The following PTPRT variants were observed in gnomAD, a reference collection of about 807,000 sequenced individuals.
PTPRT encodes the protein protein tyrosine phosphatase receptor type T.
A neutral mutation model predicts 176.8 loss-of-function variants in PTPRT; 56 were observed. The ratio of observed to expected loss-of-function variants is 0.32; its 90% confidence interval spans 0.26 to 0.40. The LOEUF (loss-of-function observed/expected upper bound fraction) is 0.40. PTPRT is among the 10% of genes least tolerant of loss of function. The pLI is 1.00. For synonymous variants in PTPRT, 783 were observed against 739.0 expected, an observed-to-expected ratio of 1.06 and a Z score of -0.96; for missense variants, 1,540 against 1,908.2, an observed-to-expected ratio of 0.81 and a Z score of 3.60.
the PTPRT span, among the ~76,000 whole-genome samples, chr20:42,039,410 C>A: frequency 0.17 from 26,297 of 151,852 alleles, 3,721 homozygotes; most frequent in African/African-American, 0.39. Flanking sequence ...CCATGATGCA[C>A]AATAGATTTC....
intron 11 of PTPRT, among the ~76,000 whole-genome samples, chr20:42,349,319 T>C (rs1187169059): frequency 1.3e-5 from 2 of 152,194 alleles, no homozygotes; most frequent in Non-Finnish European, 2.9e-5. Flanking sequence ...CTCCCTGTTA[T>C]AGCATGCTGT....
intron 7 of PTPRT, among the ~76,000 whole-genome samples, chr20:42,511,971 G>C (rs1254088844): frequency 6.6e-6 from 1 of 152,078 alleles, no homozygotes; most frequent in Non-Finnish European, 1.5e-5. Flanking sequence ...CCAAAGGCAA[G>C]AAGAGTAAAT....
At chr20:43,034,662 C>T (rs1986300837) in intron 1 of PTPRT, among the ~76,000 whole-genome samples, 1 of 147,628 alleles carries the variant, frequency 6.8e-6, no homozygotes, top group South Asian at 2.5e-4. Context: ...ACAGCAAAAA[C>T]TGCAATTACT....
intron 1 of PTPRT, among the ~76,000 whole-genome samples, chr20:43,118,223 A>C (rs560112911): frequency 2.6e-4 from 39 of 152,286 alleles, no homozygotes; most frequent in African/African-American, 9.4e-4. Context: ...GGTGGAATGG[A>C]TTCAGCCCAT....
intron 15 of PTPRT, among the ~76,000 whole-genome samples, chr20:42,208,110 C>G (rs1021419124): frequency 5.3e-3 from 643 of 121,906 alleles, no homozygotes; most frequent in African/African-American, 0.023. Context: ...TTTGTCACCA[C>G]CAGGCCTGCC....
chr20:42,733,600 G>C, intron 6 of PTPRT, among the ~76,000 whole-genome samples: 1 of 152,184 alleles, frequency 6.6e-6, no homozygotes, highest in Non-Finnish European at 1.5e-5. Flanking sequence ...CCAGAGCCGA[G>C]GGCTGCCTGC....
In PTPRT at chr20:42,147,784, C is replaced by T. The variant is rs546932519; in HGVS notation, c.2683-5782G>A. On this transcript the variant is annotated intron_variant, in intron 17 of 30. Transcript: ENST00000373187. Reference sequence around the variant, plus strand: ...CTCCCTTAGTGGGGGCTGAAGGGGACCGAGTAGGCCTGGGGGCTGTGATGA... The same window carrying T: ...CTCCCTTAGTGGGGGCTGAAGGGGATCGAGTAGGCCTGGGGGCTGTGATGA... Among the ~76,000 whole-genome samples, 5 of 152,186 alleles carry T rather than the reference C, an allele frequency of 3.3e-5. No homozygotes were observed. In the South Asian group the frequency reaches 1.0e-3, roughly 32 times the overall value.
chr20:42,860,011 T>C (rs1426145399), intron 2 of PTPRT, among the ~76,000 whole-genome samples: 1 of 152,208 alleles, frequency 6.6e-6, no homozygotes, highest in Non-Finnish European at 1.5e-5. Flanking sequence ...CAAAATTAAA[T>C]ATTTATTTAT....
intron 13 of PTPRT, among the ~76,000 whole-genome samples, chr20:42,276,558 T>TATATATAA (rs1568731969): frequency 1.1e-5 from 1 of 91,280 alleles, no homozygotes; most frequent in Non-Finnish European, 2.3e-5. Flanking sequence ...TATATATATA[T>TATATATAA]AATGTTCTTG....
intron 7 of PTPRT, among the ~76,000 whole-genome samples, chr20:42,493,542 A>G (rs565640929): frequency 1.3e-5 from 2 of 152,078 alleles, no homozygotes; most frequent in Non-Finnish European, 2.9e-5. Context: ...TGAGGAAACG[A>G]GGGCTTAGAG....
intron 27 of PTPRT, among the ~76,000 whole-genome samples, chr20:42,086,131 G>C (rs1283245612): frequency 2.0e-5 from 3 of 152,006 alleles, no homozygotes; most frequent in African/African-American, 7.2e-5. Context: ...TAAAGATGGG[G>C]TTTCGCCGTG....
At chr20:43,070,022 A>C (rs2011159303) in intron 1 of PTPRT, among the ~76,000 whole-genome samples, 1 of 152,200 alleles carries the variant, frequency 6.6e-6, no homozygotes, top group Admixed American at 6.5e-5. Flanking sequence ...GCTTTTGCCC[A>C]AAAGTCACAG....
In PTPRT at chr20:42,700,368, C is replaced by G. The variant is rs528052921; in HGVS notation, c.860-22209G>C. 2.4e-4 allele frequency among the ~76,000 whole-genome samples: 37 copies of G among 152,266 alleles called. 1 individual carries two copies. The South Asian group carries it at 7.1e-3, about 29-fold the overall frequency. On this transcript the variant is annotated intron_variant, in intron 6 of 30. Coordinates refer to ENST00000373187, the MANE Select transcript of PTPRT (RefSeq NM_007050.6). The stretch of plus-strand genomic sequence containing the variant: ...GAAGCCTGGAGGCTGGCAGGCCCCC[C>G]TCACACAAGCTGTGTGGTATAAAAG...
At chr20:43,117,337 C>T (rs1188170600) in intron 1 of PTPRT, among the ~76,000 whole-genome samples, 1 of 152,204 alleles carries the variant, frequency 6.6e-6, no homozygotes, top group East Asian at 1.9e-4. Flanking sequence ...GCTGCATTTA[C>T]ACACTTCTAG....
intron 13 of PTPRT, among the ~76,000 whole-genome samples, chr20:42,272,073 G>GC (rs1477980525): frequency 6.6e-6 from 1 of 151,992 alleles, no homozygotes; most frequent in African/African-American, 2.4e-5. Flanking sequence ...GCCAAATCTG[G>GC]CCCCCCACTC....
At chr20:43,074,765 T>C (rs2011231895) in intron 1 of PTPRT, among the ~76,000 whole-genome samples, 1 of 152,214 alleles carries the variant, frequency 6.6e-6, no homozygotes, top group African/African-American at 2.4e-5. Flanking sequence ...TTTCAAGAGT[T>C]CATTTAATCG....
At chr20:42,592,680 C>T (rs941270587) in intron 7 of PTPRT, among the ~76,000 whole-genome samples, 4 of 152,104 alleles carry the variant, frequency 2.6e-5, no homozygotes, top group African/African-American at 9.7e-5. Context: ...AGGTGCTGAC[C>T]GACTCCCTGG....
intron 9 of PTPRT, among the ~76,000 whole-genome samples, chr20:42,424,717 C>T (rs1364244636): frequency 6.6e-6 from 1 of 151,782 alleles, no homozygotes; most frequent in African/African-American, 2.4e-5. Context: ...GTGAAACAGA[C>T]TTTGCCATAG....
chr20:42,959,726 G>A (rs141336784), intron 1 of PTPRT, among the ~76,000 whole-genome samples: 1 of 152,286 alleles, frequency 6.6e-6, no homozygotes, highest in East Asian at 1.9e-4. Flanking sequence ...CCCCAAGGGA[G>A]CTCTGCTCCC....
Sources: gnomAD v4.1 joint callset for allele counts (sites outside exome capture counted in the v4.1 genomes callset) on GRCh38, gnomAD v4.1.1 for gene constraint, MANE v1.5 for transcripts, NCBI Gene and HGNC (gene_info 2026-07-23, HGNC 2026-07-21) for gene names.